The following MPO variants were observed in gnomAD, a reference collection of about 807,000 sequenced individuals.
The protein encoded by MPO is myeloperoxidase.
Under a neutral mutation model 69.4 loss-of-function variants are expected in MPO, and 57 were observed. The observed-to-expected ratio is 0.82, with a 90% CI of 0.66 to 1.02. The LOEUF (loss-of-function observed/expected upper bound fraction) is 1.02. Among genes scored for constraint, MPO ranks in the 50% least tolerant of loss-of-function variants. The probability of loss-of-function intolerance (pLI) is 0.00; values close to 1 mark genes in which losing one functional copy is unlikely to be tolerated. For synonymous variants in MPO, 426 were observed against 417.1 expected (o/e 1.02, Z -0.26); for missense variants, 971 against 1,014.1 (o/e 0.96, Z 0.58).
Position 58,272,558 on chromosome 17 carries a change from G to A in MPO, c.1792+190C>T, listed in dbSNP as rs746585837. 3.9e-4 allele frequency among the ~76,000 whole-genome samples: 59 copies of A among 152,256 alleles called. 1 individual carries two copies. Among genetic ancestry groups the A allele is most frequent in the Admixed American group, 1.3e-4 (2 of 15,300 alleles). ...TTACAGCATGCAAAGGAGGTTGAGA[G>A]GAGCTGGAAATTTATCAGGTGGGTC... On this transcript the variant is annotated intron_variant, in intron 10 of 11. Coordinates refer to ENST00000225275, the MANE Select transcript of MPO (RefSeq NM_000250.2).
Position 58,275,200 on chromosome 17 carries a change from G to A in MPO, c.1365+342C>T, listed in dbSNP as rs1221678107. ...TAATTTTAAAAAGAAGAGGTGAGTGGGTAAAGGAGCTAAGAGTGACAGTGA... is the reference window on the plus strand; with the variant it reads ...TAATTTTAAAAAGAAGAGGTGAGTGAGTAAAGGAGCTAAGAGTGACAGTGA... On this transcript the variant is annotated intron_variant, in intron 8 of 11. Coordinates refer to ENST00000225275, the MANE Select transcript of MPO (RefSeq NM_000250.2). The surrounding 1 kb of genome is among the most constrained non-coding windows in gnomAD (Gnocchi z 4.1). 1.3e-5 allele frequency among the ~76,000 whole-genome samples: 2 copies of A among 152,042 alleles called. No individual in the cohort carries two copies. The highest frequency in any genetic ancestry group is 2.9e-5 in the Non-Finnish European group (2 of 68,012).
chr17:58,278,032 G>A lies in MPO; in HGVS notation c.999C>T (p.Leu333=), dbSNP rs1567828961. The A allele has an allele frequency of 6.2e-7, 1 of 1,613,816 alleles. No individual in the cohort carries two copies. The highest frequency in any genetic ancestry group is 1.7e-5 in the Admixed American group (1 of 60,034). The change falls in exon 7 of 12, where the codon CTC becomes CTT. Residue 333 remains leucine (L), a synonymous_variant. Coordinates refer to ENST00000225275, the MANE Select transcript of MPO (RefSeq NM_000250.2). ...CCATGCTGGCGTCCACGAAGGAAGT[G>A]AGCGCGTTGATCTGGTTGCGGATGG... is the stretch of plus-strand genomic sequence containing the variant. ...NITIRNQINA[L]TSFVDASMVY... is the part of the protein sequence containing the mutation.
rs907221397 is a variant in MPO, at chr17:58,275,778, C to T, written c.1205-76G>A. On this transcript the variant is annotated intron_variant, in intron 7 of 11. Coordinates refer to ENST00000225275, the MANE Select transcript of MPO (RefSeq NM_000250.2). The surrounding 1 kb of genome is among the most constrained non-coding windows in gnomAD (Gnocchi z 4.1). ...GATTTGCTCCACTGAAACCCCCTCCCCAGCCAAGGCCTGAAATGCCTCCTA... is the reference window on the plus strand; with the variant it reads ...GATTTGCTCCACTGAAACCCCCTCCTCAGCCAAGGCCTGAAATGCCTCCTA... 2 of 1,561,760 alleles carry T rather than the reference C, an allele frequency of 1.3e-6. No individual in the cohort carries two copies. Among genetic ancestry groups the T allele is most frequent in the East Asian group, 2.3e-5 (1 of 43,036 alleles).
rs911474440 is a variant in MPO at position 58,270,597 on chromosome 17, G to A, written c.*59C>T. On this transcript the variant is annotated 3_prime_UTR_variant, in exon 12 of 12. Transcript: ENST00000225275. The surrounding 1 kb of genome is among the most constrained non-coding windows in gnomAD (Gnocchi z 4.1). ...GCTCATCTAGGGCAAGGAGATCTCCGTGGTTCCAACTGGCCAGCCCAGATA... is the reference window on the plus strand; with the variant it reads ...GCTCATCTAGGGCAAGGAGATCTCCATGGTTCCAACTGGCCAGCCCAGATA... The A allele has an allele frequency of 1.3e-5, 18 of 1,408,236 alleles. No homozygotes were observed. The South Asian group carries it at 1.5e-4, about 12-fold the overall frequency. The allele number at this position is 1,408,236 out of a possible 1,614,324, so 87.2% of individuals were successfully genotyped here. A position where few individuals can be genotyped will look rare whatever the true frequency, so the allele number is the denominator to read the frequency against.
intron 6 of MPO, 28 bp downstream of exon 6, chr17:58,278,980 C>T (rs779900349): frequency 1.3e-6 from 2 of 1,590,054 alleles, no homozygotes; most frequent in Non-Finnish European, 1.7e-6. Context: ...CTCTCCCAAC[C>T]CAGGCAGTGG....
chr17:58,272,981 G>C, intron 9 of MPO, 63 bp from the exon 10 acceptor site: 1 of 1,594,512 alleles, frequency 6.3e-7, no homozygotes, highest in Non-Finnish European at 8.6e-7. Flanking sequence ...TCAGATTGGA[G>C]TCAGGGACAA....
In MPO at chr17:58,279,405, G is replaced by A. The variant is rs1401652272; in HGVS notation, c.570C>T (p.Ala190=). 1.9e-6 allele frequency: 3 copies of A among 1,608,618 alleles called. No homozygotes were observed. The highest frequency in any genetic ancestry group is 1.3e-5 in the African/African-American group (1 of 75,008). The part of the protein sequence containing the change: ...CNNRRSPTLG[A]SNRAFVRWLP... ...GCCAGCGCACAAAGGCACGGTTGGA[G>A]GCCCCCAGCGTGGGGCTGCGTCTGC... is the stretch of plus-strand genomic sequence containing the variant. Residue 190 remains alanine, a synonymous_variant, in exon 5 of 12, where the codon GCC becomes GCT. Transcript: ENST00000225275.
Position 58,273,617 on chromosome 17 carries a change from C to T in MPO, c.1418G>A (p.Arg473Lys), listed in dbSNP as rs1598040126. 1 of 1,614,204 alleles carries T rather than the reference C, an allele frequency of 6.2e-7. No homozygotes were observed. The highest frequency in any genetic ancestry group is 2.2e-5 in the East Asian group (1 of 44,888). Residue 473 changes from arginine to lysine, a missense_variant, in exon 9 of 12, where the codon AGG becomes AAG. Physicochemically the swap from Arg to Lys is conservative, Grantham distance 26 (BLOSUM62 2). Transcript: ENST00000225275. Reference protein sequence around the residue: ...LPLVLGPTAMRKYLPTYRSYN... With the variant: ...LPLVLGPTAMKKYLPTYRSYN... ...GGAACGGTACGTGGGCAGGTACTTC[C>T]TCATGGCCGTTGGCCCCAGCACCAG...
In MPO at chr17:58,270,666, T is replaced by C; in HGVS notation, c.2228A>G (p.Glu743Gly). ...LPALNLASWR[E>G]AS Reference sequence around the variant, plus strand: ...CCCCTTACCTGGCCTCTAGGAGGCTTCCCTCCAGGAAGCCAGGTTCAATGC... The same window carrying C: ...CCCCTTACCTGGCCTCTAGGAGGCTCCCCTCCAGGAAGCCAGGTTCAATGC... Residue 743 changes from glutamate (E) to glycine (G), a missense_variant, in exon 12 of 12, where the codon GAA becomes GGA. Transcript: ENST00000225275. The surrounding 1 kb of genome is among the most constrained non-coding windows in gnomAD (Gnocchi z 4.1). 6.2e-7 allele frequency: 1 copy of C among 1,611,710 alleles called. No homozygotes were observed. The highest frequency in any genetic ancestry group is 8.5e-7 in the Non-Finnish European group (1 of 1,178,882).
chr17:58,272,879 G>GGGGT lies in MPO; in HGVS notation c.1657_1660dup (p.Pro554HisfsTer15). On this transcript the variant is annotated frameshift_variant, in exon 10 of 12. Coordinates refer to ENST00000225275, the MANE Select transcript of MPO (RefSeq NM_000250.2). LOFTEE classifies it high-confidence loss of function. ...TTGGTTCTGACGATTCAGCTTGGCA[G>GGGGT]GGGTGGCCATGAGGCCCCGGAGGAT... The GGGGT allele has an allele frequency of 6.2e-7, 1 of 1,614,174 alleles. No individual in the cohort carries two copies. The highest frequency in any genetic ancestry group is 1.6e-4 in the Middle Eastern group (1 of 6,062).
chr17:58,273,748 A>G, intron 8 of MPO, 79 bp from the exon 9 acceptor site: 2 of 1,604,808 alleles, frequency 1.2e-6, no homozygotes, highest in Non-Finnish European at 1.7e-6. Context: ...GGAGGGCCAG[A>G]GTCTCTGCCT....
At chr17:58,277,102 C>T (rs192041863) in intron 7 of MPO, among the ~76,000 whole-genome samples, 165 of 150,806 alleles carry the variant, frequency 1.1e-3, no homozygotes, top group African/African-American at 3.8e-3. Context: ...AGTGAGATTC[C>T]GTCTTAGAAA....
intron 6 of MPO, among the ~76,000 whole-genome samples, chr17:58,278,648 G>A (rs1970470339): frequency 6.6e-6 from 1 of 152,120 alleles, no homozygotes; most frequent in Non-Finnish European, 1.5e-5. Flanking sequence ...GCGGAAACAG[G>A]ACTGAGCATG....
At position 58,277,716 on chromosome 17, in the gene MPO, T is replaced by G. The variant is rs1598041995; in HGVS notation, c.1204+111A>C. On this transcript the variant is annotated intron_variant, in intron 7 of 11. Transcript: ENST00000225275. ...TCATGAAGTTGATAGTAATGGCTGG[T>G]GAGGACAGTCTCTCTAAGTACAAAC... The G allele has an allele frequency of 5.7e-5, 82 of 1,444,544 alleles. 2 individuals carry two copies. The highest frequency in any genetic ancestry group is 2.4e-4 in the Middle Eastern group (1 of 4,184). The allele number at this position is 1,444,544 out of a possible 1,614,324, so 89.5% of individuals were successfully genotyped here. A position where few individuals can be genotyped will look rare whatever the true frequency, so the allele number is the denominator to read the frequency against.
At position 58,270,992 on chromosome 17, in the gene MPO, C is replaced by T. The variant is rs747257644; in HGVS notation, c.2031-129G>A. The T allele has an allele frequency of 3.0e-6, 3 of 1,016,888 alleles. No homozygotes were observed. The highest frequency in any genetic ancestry group is 4.5e-6 in the Non-Finnish European group (3 of 667,432). 63.0% of individuals were successfully genotyped at this position (1,016,888 alleles called of 1,614,324 possible). ...TGCCACCTGGAAGCACAGGAGGGCC[C>T]CAGGCCCTTGGGCAGCCCAGGGGCT... On this transcript the variant is annotated intron_variant, in intron 11 of 11. Coordinates refer to ENST00000225275, the MANE Select transcript of MPO (RefSeq NM_000250.2). This position sits in a 1 kb window ranked among gnomAD's most constrained non-coding sequence, Gnocchi z 4.1.
rs1970428186 is a variant in MPO, at chr17:58,275,720, C to T, written c.1205-18G>A. On this transcript the variant is annotated intron_variant, in intron 7 of 11. Transcript: ENST00000225275. This position sits in a 1 kb window ranked among gnomAD's most constrained non-coding sequence, Gnocchi z 4.1. ...GGTGTCCCCTTGGGGAGGCAAAAGC[C>T]ACTGTCATTCTTAAGGCCTCCATCC... The T allele has an allele frequency of 6.2e-7, 1 of 1,614,084 alleles. No homozygotes were observed. Among genetic ancestry groups the T allele is most frequent in the South Asian group, 1.1e-5 (1 of 91,068 alleles).
chr17:58,271,542 A>G (rs1970364207), intron 11 of MPO, 113 bp downstream of exon 11: 2 of 1,084,688 alleles, frequency 1.8e-6, no homozygotes, highest in Non-Finnish European at 2.8e-6. Flanking sequence ...AACACACTGG[A>G]AAATTACTGA....
intron 10 of MPO, 93 bp downstream of exon 10, chr17:58,272,655 G>T: frequency 6.9e-7 from 1 of 1,453,484 alleles, no homozygotes; most frequent in Non-Finnish European, 9.4e-7. Context: ...TTTGGAGAGG[G>T]CAGGGACCCT....
chr17:58,280,014 G>A lies in MPO; in HGVS notation c.249C>T (p.Ser83=). The stretch of plus-strand genomic sequence containing the variant: ...AGCCGCTGCGAAGCCGCTGCTTGAT[G>A]CTGCTTGGAGAAAGGAGGAGTGAGG... ...VDKAYKERRE[S]IKQRLRSGSA... Residue 83 remains serine, a splice_region_variant and synonymous_variant, in exon 3 of 12, where the codon AGC becomes AGT. Transcript: ENST00000225275. 1 of 1,612,770 alleles carries A rather than the reference G, an allele frequency of 6.2e-7. No individual in the cohort carries two copies. The highest frequency in any genetic ancestry group is 1.1e-5 in the South Asian group (1 of 91,048).
Sources: gnomAD v4.1 joint callset for allele counts (sites outside exome capture counted in the v4.1 genomes callset) on GRCh38, gnomAD v4.1.1 for gene constraint, Gnocchi (gnomAD v3.1) non-coding constraint, MANE v1.5 for transcripts, NCBI Gene and HGNC (gene_info 2026-07-23, HGNC 2026-07-21) for gene names.